The following SNTB2 variants were observed in gnomAD, a reference collection of about 807,000 sequenced individuals.
SNTB2 encodes beta-2-syntrophin.
SNTB2 carries 34 observed loss-of-function variants against 46.2 expected under a neutral mutation model. The ratio of observed to expected loss-of-function variants is 0.74; its 90% CI spans 0.56 to 0.98. The LOEUF is 0.98. SNTB2 is among the 50% of genes least tolerant of loss of function. SNTB2 has a pLI of 0.00. For missense variants in SNTB2, 603 were observed against 731.4 expected (o/e 0.82, Z 2.02); for synonymous variants, 290 against 312.6 (o/e 0.93, Z 0.76).
intron 1 of SNTB2, among the ~76,000 whole-genome samples, chr16:69,216,068 G>A (rs532312366): frequency 3.9e-5 from 6 of 152,202 alleles, no homozygotes; most frequent in South Asian, 2.1e-4. Context: ...CTCTGTCCTC[G>A]GCCTCACAAA....
intron 3 of SNTB2, among the ~76,000 whole-genome samples, chr16:69,267,702 C>A (rs1964899474): frequency 6.6e-6 from 1 of 152,204 alleles, no homozygotes; most frequent in Non-Finnish European, 1.5e-5. Flanking sequence ...GGGGATCTAG[C>A]TCGTGGCCTT....
chr16:69,272,212 A>T (rs377376903), intron 4 of SNTB2, among the ~76,000 whole-genome samples: 2 of 152,280 alleles, frequency 1.3e-5, no homozygotes, highest in East Asian at 3.9e-4. Context: ...AATATTTGAA[A>T]ATCATATATC....
At chr16:69,206,129 G>A (rs759479945) in intron 1 of SNTB2, among the ~76,000 whole-genome samples, 1 of 152,010 alleles carries the variant, frequency 6.6e-6, no homozygotes, top group Non-Finnish European at 1.5e-5. Context: ...CCCAAGAAAC[G>A]AGAATTACAG....
intron 1 of SNTB2, among the ~76,000 whole-genome samples, chr16:69,214,129 T>A (rs917271541): frequency 6.9e-6 from 1 of 145,556 alleles, no homozygotes; most frequent in African/African-American, 2.5e-5. Context: ...AGCCTTTTAT[T>A]TTTTTTTTTT....
chr16:69,187,769 G>A, intron 1 of SNTB2, 23 bp downstream of exon 1: 2 of 1,323,140 alleles, frequency 1.5e-6, no homozygotes, highest in Non-Finnish European at 9.8e-7. Flanking sequence ...GGGCGGGAGG[G>A]TGGGCAGGCC....
At position 69,262,202 on chromosome 16, in the gene SNTB2, C is replaced by A. The variant is rs143953534; in HGVS notation, c.1005+1942C>A. On this transcript the variant is annotated intron_variant, in intron 3 of 6. Transcript: ENST00000336278. ...ATATATTCAGTTCTTAAGTTTCTGA[C>A]AGTAAATAGTAAAGCTTTGGTTAGT... Among the ~76,000 whole-genome samples, 158 of 152,256 alleles carry A rather than the reference C, an allele frequency of 1.0e-3. 1 individual carries two copies. The highest frequency in any genetic ancestry group is 4.1e-3 in the Admixed American group (62 of 15,292).
chr16:69,231,398 G>A (rs1264801630), intron 1 of SNTB2, among the ~76,000 whole-genome samples: 1 of 152,078 alleles, frequency 6.6e-6, no homozygotes, highest in East Asian at 1.9e-4. Context: ...AGACCAGCCT[G>A]GCCAACATGG....
chr16:69,209,870 A>G (rs747872599), intron 1 of SNTB2, among the ~76,000 whole-genome samples: 14 of 152,082 alleles, frequency 9.2e-5, no homozygotes, highest in Non-Finnish European at 1.5e-4. Flanking sequence ...AACTATATAG[A>G]TCTTGTAGTA....
intron 1 of SNTB2, among the ~76,000 whole-genome samples, chr16:69,232,506 T>C (rs1307529015): frequency 8.4e-6 from 1 of 118,532 alleles, no homozygotes; most frequent in Non-Finnish European, 1.8e-5. Context: ...TGCGGCCTTT[T>C]TTTTTTTTTT....
At chr16:69,209,265 G>T (rs934967302) in intron 1 of SNTB2, among the ~76,000 whole-genome samples, 1 of 152,054 alleles carries the variant, frequency 6.6e-6, no homozygotes, top group Admixed American at 6.6e-5. Context: ...CCAAATTTTT[G>T]AATGTTTTAT....
rs1205548806 is a variant in SNTB2, at chr16:69,299,710, A to G, written c.1466A>G (p.Lys489Arg). ...ILYRYPFERL[K>R]MSADDGIRNL... ...TACCGCTACCCCTTTGAAAGGCTGA[A>G]GATGTCTGCTGATGATGGCATCCGA... The change falls in exon 6 of 7, where the codon AAG becomes AGG. Residue 489 changes from lysine to arginine, a missense_variant. This residue lies in a region of SNTB2 where 537 missense variants were observed against 692.4 expected (regional missense o/e 0.78). Transcript: ENST00000336278. The G allele has an allele frequency of 6.2e-7, 1 of 1,614,026 alleles. No homozygotes were observed.
At chr16:69,207,356 A>G (rs1416171814) in intron 1 of SNTB2, among the ~76,000 whole-genome samples, 2 of 149,288 alleles carry the variant, frequency 1.3e-5, no homozygotes, top group African/African-American at 4.9e-5. Flanking sequence ...GCGTTTCACT[A>G]TACGTTGGCC....
At chr16:69,299,568 G>GA (rs774579023) in intron 5 of SNTB2, 22 bp from the exon 6 acceptor site, 2 of 1,607,978 alleles carry the variant, frequency 1.2e-6, no homozygotes, top group Non-Finnish European at 8.5e-7. Flanking sequence ...TACAACTAAT[G>GA]TTTTTTGCTT....
At position 69,301,084 on chromosome 16, in the gene SNTB2, T is replaced by C; in HGVS notation, c.*160T>C. 1 of 579,478 alleles carries C rather than the reference T, an allele frequency of 1.7e-6. No homozygotes were observed. The allele number at this position is 579,478 out of a possible 1,614,324, so 35.9% of individuals were successfully genotyped here. ...CCATAACCGTGTTTAAAGAAGAGCC[T>C]ACCTTTCACAGTCTACCTTGGCCAG... On this transcript the variant is annotated 3_prime_UTR_variant, in exon 7 of 7. Coordinates refer to ENST00000336278, the MANE Select transcript of SNTB2 (RefSeq NM_006750.4).
intron 1 of SNTB2, among the ~76,000 whole-genome samples, chr16:69,227,354 C>T (rs999019108): frequency 6.6e-6 from 1 of 152,130 alleles, no homozygotes; most frequent in Non-Finnish European, 1.5e-5. Context: ...TTGTGCTACA[C>T]CTTTGTATGC....
chr16:69,298,219 G>A (rs553614177), intron 5 of SNTB2, among the ~76,000 whole-genome samples: 2 of 152,158 alleles, frequency 1.3e-5, no homozygotes, highest in South Asian at 4.2e-4. Flanking sequence ...TGCTGGGATT[G>A]TAAGCATGAC....
At chr16:69,299,444 AAC>A in intron 5 of SNTB2, 144 bp from the exon 6 acceptor site, 2 of 817,940 alleles carry the variant, frequency 2.4e-6, no homozygotes, top group Non-Finnish European at 3.8e-6. Context: ...CCTAGCACAA[AAC>A]ACACTTTAGA....
chr16:69,271,527 T>C (rs1283181862), intron 4 of SNTB2, among the ~76,000 whole-genome samples: 8 of 152,358 alleles, frequency 5.3e-5, no homozygotes, highest in African/African-American at 7.2e-5. Context: ...TAAATCTTAG[T>C]TGAATTAAAT....
intron 1 of SNTB2, among the ~76,000 whole-genome samples, chr16:69,203,310 G>A (rs531452724): frequency 2.0e-4 from 30 of 151,648 alleles, no homozygotes; most frequent in African/African-American, 6.3e-4. Flanking sequence ...GAGCCACTGC[G>A]CCCAGCGTTT....
Sources: gnomAD v4.1 joint callset for allele counts (sites outside exome capture counted in the v4.1 genomes callset) on GRCh38, gnomAD v4.1.1 for gene constraint, gnomAD v4.1.1 regional missense constraint, MANE v1.5 for transcripts, NCBI Gene and HGNC (gene_info 2026-07-23, HGNC 2026-07-21) for gene names.